GLRA3: variants seen among roughly 807,000 people sequenced by gnomAD.
The protein encoded by GLRA3 is glycine receptor subunit alpha-3.
Under a neutral mutation model 60.4 loss-of-function variants are expected in GLRA3, and 44 were observed. That is an observed-to-expected ratio of 0.73 (90% CI 0.57 to 0.94). The LOEUF (loss-of-function observed/expected upper bound fraction) is 0.94. GLRA3 is among the 40% of genes least tolerant of loss of function. The pLI, the probability that GLRA3 is intolerant of heterozygous loss-of-function variation, is 0.00. For synonymous variants in GLRA3, 223 were observed against 192.9 expected (o/e 1.16, Z -1.29); for missense variants, 508 against 564.6 (o/e 0.90, Z 1.02).
At chr4:174,668,547 C>T (rs377328603) in intron 7 of GLRA3, among the ~76,000 whole-genome samples, 3 of 152,064 alleles carry the variant, frequency 2.0e-5, no homozygotes, top group East Asian at 3.9e-4. Context: ...AGCTTATAGA[C>T]AACAATATAT....
chr4:174,808,123 A>T (rs180701112), intron 1 of GLRA3, among the ~76,000 whole-genome samples: 1 of 152,234 alleles, frequency 6.6e-6, no homozygotes, highest in Admixed American at 6.5e-5. Context: ...TGAGAGTGGG[A>T]GGAAGAAAAT....
intron 5 of GLRA3, among the ~76,000 whole-genome samples, chr4:174,692,701 C>G (rs1355993695): frequency 6.6e-6 from 1 of 151,342 alleles, no homozygotes; most frequent in East Asian, 1.9e-4. Flanking sequence ...GGATTAAGGG[C>G]GGTGCAAGAT....
chr4:174,683,476 G>A (rs887799229), intron 5 of GLRA3, among the ~76,000 whole-genome samples: 2 of 151,770 alleles, frequency 1.3e-5, no homozygotes, highest in African/African-American at 4.8e-5. Context: ...TCAGCCTCCC[G>A]AGTAGCTGGG....
intron 3 of GLRA3, among the ~76,000 whole-genome samples, chr4:174,744,472 C>G (rs1250518418): frequency 6.6e-6 from 1 of 152,206 alleles, no homozygotes; most frequent in Non-Finnish European, 1.5e-5. Context: ...CGTCCCTGCC[C>G]CCAGCAAAAT....
intron 9 of GLRA3, among the ~76,000 whole-genome samples, chr4:174,648,038 A>C (rs1337503699): frequency 6.6e-6 from 1 of 152,216 alleles, no homozygotes; most frequent in Admixed American, 6.5e-5. Flanking sequence ...TTTTGGATGC[A>C]GTAGTGTGAA....
intron 1 of GLRA3, among the ~76,000 whole-genome samples, chr4:174,799,965 T>C (rs1739743022): frequency 6.6e-6 from 1 of 152,202 alleles, no homozygotes; most frequent in Admixed American, 6.5e-5. Flanking sequence ...GATTAAGCTT[T>C]ATATGTTTAA....
rs149673967 is a variant in GLRA3, at chr4:174,735,067, A to G, written c.268-6369T>C. On this transcript the variant is annotated intron_variant, in intron 3 of 9. Transcript: ENST00000274093. ...CTAAGGTGCTGCACAGCTGTGCTCC[A>G]CAAGCCCCCATTCATCCACCAGCCC... 7.2e-4 allele frequency among the ~76,000 whole-genome samples: 109 copies of G among 152,284 alleles called. No individual in the cohort carries two copies. The East Asian group carries it at 0.015, about 21-fold the overall frequency.
In GLRA3 at chr4:174,637,098, GT is replaced by G. The variant is rs1732513259; in HGVS notation, c.*6687del. On this transcript the variant is annotated 3_prime_UTR_variant, in exon 10 of 10. Coordinates refer to ENST00000274093, the MANE Select transcript of GLRA3 (RefSeq NM_006529.4). ...AAATCGTGCATAAATTTTTAAATATGTTTTCAGTATAATTTCCTGGAAAAAT... is the reference window on the plus strand; with the variant it reads ...AAATCGTGCATAAATTTTTAAATATGTTTCAGTATAATTTCCTGGAAAAAT... The G allele has an allele frequency of 1.3e-5, 2 of 152,120 alleles. No homozygotes were observed. Among genetic ancestry groups the G allele is most frequent in the Non-Finnish European group, 2.9e-5 (2 of 68,010 alleles). 9.4% of individuals were successfully genotyped at this position (152,120 alleles called of 1,614,324 possible).
At chr4:174,700,725 C>T (rs570341719) in intron 5 of GLRA3, among the ~76,000 whole-genome samples, 28 of 152,228 alleles carry the variant, frequency 1.8e-4, no homozygotes, top group African/African-American at 6.3e-4. Flanking sequence ...AACACATGGA[C>T]AATAAGAAAG....
intron 9 of GLRA3, among the ~76,000 whole-genome samples, chr4:174,655,117 A>G (rs1428901450): frequency 6.6e-6 from 1 of 152,176 alleles, no homozygotes; most frequent in Non-Finnish European, 1.5e-5. Context: ...CTGCCAAATT[A>G]GAGTACTGAA....
At chr4:174,697,367 C>T (rs1409213805) in intron 5 of GLRA3, among the ~76,000 whole-genome samples, 1 of 151,992 alleles carries the variant, frequency 6.6e-6, no homozygotes, top group Non-Finnish European at 1.5e-5. Context: ...ATTCAAAAAG[C>T]AGAAGGAAGA....
intron 7 of GLRA3, 28 bp downstream of exon 7, chr4:174,677,049 AG>A (rs745627232): frequency 7.6e-7 from 1 of 1,309,340 alleles, no homozygotes; most frequent in South Asian, 1.2e-5. Flanking sequence ...GTGTGTGCAA[AG>A]ATGTGCATGC....
chr4:174,651,262 A>G (rs1733012017), intron 9 of GLRA3, among the ~76,000 whole-genome samples: 1 of 152,198 alleles, frequency 6.6e-6, no homozygotes. Flanking sequence ...CGGATATTGG[A>G]ATGGCCAATT....
At chr4:174,713,017 T>C (rs181581768) in intron 5 of GLRA3, among the ~76,000 whole-genome samples, 1 of 152,070 alleles carries the variant, frequency 6.6e-6, no homozygotes, top group Admixed American at 6.5e-5. Context: ...TATATGTAAT[T>C]GTCCTAAAAA....
chr4:174,777,013 G>T (rs1738629529), intron 2 of GLRA3, among the ~76,000 whole-genome samples: 1 of 152,190 alleles, frequency 6.6e-6, no homozygotes, highest in South Asian at 2.1e-4. Flanking sequence ...GGAGAAAGGA[G>T]AGAAGGGGAT....
chr4:174,653,068 T>C (rs1248218831), intron 9 of GLRA3, among the ~76,000 whole-genome samples: 1 of 152,154 alleles, frequency 6.6e-6, no homozygotes, highest in Non-Finnish European at 1.5e-5. Context: ...ATTAAATAGA[T>C]TATTCCAAAT....
At chr4:174,758,114 C>T (rs998661225) in intron 3 of GLRA3, among the ~76,000 whole-genome samples, 4 of 152,150 alleles carry the variant, frequency 2.6e-5, no homozygotes, top group African/African-American at 7.2e-5. Flanking sequence ...TGGTGCCATG[C>T]TTCTTGAACA....
intron 5 of GLRA3, among the ~76,000 whole-genome samples, chr4:174,685,088 C>T (rs940342375): frequency 1.3e-5 from 2 of 152,070 alleles, no homozygotes; most frequent in South Asian, 2.1e-4. Flanking sequence ...GAAATGGTCC[C>T]AAACAAATTC....
At chr4:174,785,438 G>A (rs1561117658) in intron 2 of GLRA3, among the ~76,000 whole-genome samples, 1 of 151,924 alleles carries the variant, frequency 6.6e-6, no homozygotes, top group Non-Finnish European at 1.5e-5. Context: ...TATAATGCTG[G>A]AACATTTCTT....
Sources: allele counts gnomAD v4.1 joint callset (sites outside exome capture counted in the v4.1 genomes callset), GRCh38; gene constraint gnomAD v4.1.1; transcripts MANE v1.5; gene names NCBI Gene and HGNC (gene_info 2026-07-23, HGNC 2026-07-21).